The following MAST4 variants were observed in gnomAD, a reference collection of about 807,000 sequenced individuals.
MAST4 encodes microtubule associated serine/threonine kinase family member 4.
MAST4 carries 89 observed loss-of-function variants against 162.7 expected under a neutral mutation model. The ratio of observed to expected loss-of-function variants is 0.55; its 90% CI spans 0.46 to 0.65. The LOEUF (loss-of-function observed/expected upper bound fraction) is 0.65, where lower values mean the gene tolerates loss of function less well. MAST4 is among the 30% of genes least tolerant of loss of function. The pLI is 0.00. For missense variants in MAST4, 3,153 were observed against 3,374.0 expected (o/e 0.93, Z 1.62); for synonymous variants, 1,479 against 1,361.1 (o/e 1.09, Z -1.91).
At chr5:66,895,575 T>C (rs1370472123) in intron 3 of MAST4, among the ~76,000 whole-genome samples, 1 of 152,144 alleles carries the variant, frequency 6.6e-6, no homozygotes, top group Non-Finnish European at 1.5e-5. Flanking sequence ...ACTCCTTGCT[T>C]TCTCTTTCAC....
chr5:66,911,434 G>A (rs903158394), intron 4 of MAST4, among the ~76,000 whole-genome samples: 2 of 151,790 alleles, frequency 1.3e-5, no homozygotes, highest in African/African-American at 2.4e-5. Context: ...GGATGCAGTT[G>A]CTTACTCCTA....
intron 4 of MAST4, among the ~76,000 whole-genome samples, chr5:66,910,915 T>A (rs1475747746): frequency 6.6e-6 from 1 of 152,056 alleles, no homozygotes; most frequent in Non-Finnish European, 1.5e-5. Context: ...GCTCAGCTAA[T>A]GTTTGTATTT....
intron 3 of MAST4, among the ~76,000 whole-genome samples, chr5:66,894,645 G>C (rs1482393679): frequency 2.0e-5 from 3 of 152,202 alleles, no homozygotes; most frequent in African/African-American, 4.8e-5. Flanking sequence ...ATGAAAGAAA[G>C]ATGATGATGG....
chr5:66,648,034 A>ATGTGTGTGTGTGTG (rs745965169), intron 1 of MAST4, among the ~76,000 whole-genome samples: 7 of 118,988 alleles, frequency 5.9e-5, no homozygotes, highest in Non-Finnish European at 1.0e-4. Flanking sequence ...GTGTTAGGTA[A>ATGTGTGTGTGTGTG]TGTGTGTGTG....
chr5:67,149,346 C>A (rs1245287144), intron 23 of MAST4, 43 bp from the exon 24 acceptor site: 1 of 1,563,034 alleles, frequency 6.4e-7, no homozygotes. Flanking sequence ...CCTCTCCTAT[C>A]CTGGATTTTC....
chr5:67,110,048 A>G (rs779364068), intron 10 of MAST4, 50 bp from the exon 11 acceptor site: 9 of 1,365,888 alleles, frequency 6.6e-6, no homozygotes, highest in Non-Finnish European at 8.4e-6. Context: ...TTTCTTTTCC[A>G]TTTAATGGAA....
At chr5:66,912,933 A>G (rs905661691) in intron 4 of MAST4, among the ~76,000 whole-genome samples, 1 of 152,172 alleles carries the variant, frequency 6.6e-6, no homozygotes, top group Non-Finnish European at 1.5e-5. Context: ...ATGTTCATGT[A>G]ACCAAGAATT....
chr5:66,827,160 C>G (rs916446508), intron 3 of MAST4, among the ~76,000 whole-genome samples: 4 of 152,104 alleles, frequency 2.6e-5, no homozygotes, highest in African/African-American at 9.7e-5. Flanking sequence ...AAACAAAAAA[C>G]GTAGTTTTAA....
intron 1 of MAST4, among the ~76,000 whole-genome samples, chr5:66,632,047 T>C (rs1339416240): frequency 6.6e-6 from 1 of 152,178 alleles, no homozygotes; most frequent in Non-Finnish European, 1.5e-5. Flanking sequence ...AGTGATATGC[T>C]TAAAATCATA....
intron 1 of MAST4, among the ~76,000 whole-genome samples, chr5:66,646,713 A>G (rs928900304): frequency 2.0e-5 from 3 of 152,214 alleles, no homozygotes; most frequent in African/African-American, 7.2e-5. Context: ...GCTTCAGTGG[A>G]TGATGTTGGA....
chr5:66,858,674 A>C (rs1044536726), intron 3 of MAST4, among the ~76,000 whole-genome samples: 5 of 152,198 alleles, frequency 3.3e-5, no homozygotes, highest in Non-Finnish European at 7.3e-5. Context: ...TATGCTTTTA[A>C]GTAAATTTTT....
chr5:66,619,741 C>T (rs1743950777), intron 1 of MAST4, among the ~76,000 whole-genome samples: 1 of 151,550 alleles, frequency 6.6e-6, no homozygotes, highest in African/African-American at 2.4e-5. Context: ...ATTTTATTAC[C>T]ATAGTGATGC....
rs1229070126 is a variant in MAST4, at chr5:66,648,083, T to TGTGTGA, written c.363+51066_363+51067insTGTGAG. 9.5e-4 allele frequency among the ~76,000 whole-genome samples: 83 copies of TGTGTGA among 87,138 alleles called. No homozygotes were observed. The East Asian group carries it at 1.0e-2, about 10-fold the overall frequency. The allele number at this position is 87,138 out of a possible 152,430, so 57.2% of individuals were successfully genotyped here. A position where few individuals can be genotyped will look rare whatever the true frequency, so the allele number is the denominator to read the frequency against. On this transcript the variant is annotated intron_variant, in intron 1 of 28. Coordinates refer to ENST00000403625, the MANE Select transcript of MAST4 (RefSeq NM_001164664.2). ...GTGTGTGTGTGTGTGTGTGTGTGTG[T>TGTGTGA]GAGAGAGAGAGAGAGAGAGAGATTT... is the stretch of plus-strand genomic sequence containing the variant.
intron 1 of MAST4, among the ~76,000 whole-genome samples, chr5:66,636,716 A>G (rs965468079): frequency 2.6e-5 from 4 of 152,146 alleles, no homozygotes; most frequent in African/African-American, 4.8e-5. Context: ...CGTGTTTTCT[A>G]TGGCACAAAT....
rs114060021 is a variant in MAST4, at chr5:67,029,195, A to G, written c.675-25209A>G. The stretch of plus-strand genomic sequence containing the variant: ...GAGTGCCAAAGGTAATTAGTGTTGA[A>G]TATTTATTTTCCAGCAGCTTCAAGT... On this transcript the variant is annotated intron_variant, in intron 4 of 28. Coordinates refer to ENST00000403625, the MANE Select transcript of MAST4 (RefSeq NM_001164664.2). Among the ~76,000 whole-genome samples the G allele has an allele frequency of 8.4e-3, 1,280 of 152,176 alleles. 13 individuals carry two copies. The highest frequency in any genetic ancestry group is 0.029 in the African/African-American group (1,218 of 41,522).
intron 4 of MAST4, among the ~76,000 whole-genome samples, chr5:66,964,607 C>T (rs1319731500): frequency 9.9e-5 from 15 of 152,194 alleles, no homozygotes; most frequent in Non-Finnish European, 2.9e-5. Context: ...TGAGACCATC[C>T]TGGCTAACAC....
intron 4 of MAST4, among the ~76,000 whole-genome samples, chr5:66,946,105 C>A (rs1459931013): frequency 2.6e-5 from 4 of 152,044 alleles, no homozygotes; most frequent in African/African-American, 7.2e-5. Context: ...CCCAGGGAAT[C>A]CCCACAGGAA....
chr5:66,946,924 C>T (rs546068286), intron 4 of MAST4, among the ~76,000 whole-genome samples: 2 of 152,050 alleles, frequency 1.3e-5, no homozygotes, highest in South Asian at 4.2e-4. Flanking sequence ...TATGCCCTCC[C>T]CACTTTAGAC....
intron 1 of MAST4, among the ~76,000 whole-genome samples, chr5:66,615,301 G>T (rs1743596117): frequency 6.6e-6 from 1 of 152,116 alleles, no homozygotes. Flanking sequence ...TACTTGGTGG[G>T]TCTGGGGAGG....
Sources: allele counts gnomAD v4.1 joint callset (sites outside exome capture counted in the v4.1 genomes callset), GRCh38; gene constraint gnomAD v4.1.1; transcripts MANE v1.5; gene names NCBI Gene and HGNC (gene_info 2026-07-23, HGNC 2026-07-21).